The following MACROD1 variants were observed in gnomAD, a reference collection of about 807,000 sequenced individuals.
The protein encoded by MACROD1 is ADP-ribose glycohydrolase MACROD1.
A neutral mutation model predicts 41.4 loss-of-function variants in MACROD1; 31 were observed. The ratio of observed to expected loss-of-function variants is 0.75; its 90% CI spans 0.56 to 1.01. The LOEUF (loss-of-function observed/expected upper bound fraction) is 1.01. Ranked by LOEUF, MACROD1 falls within the 50% of genes least tolerant of loss-of-function variation. The pLI, the probability that MACROD1 is intolerant of heterozygous loss-of-function variation, is 0.00. For missense variants in MACROD1, 473 were observed against 460.0 expected, an observed-to-expected ratio of 1.03 and a Z score of -0.26; for synonymous variants, 252 against 203.4, an observed-to-expected ratio of 1.24 and a Z score of -2.03.
chr11:64,064,427 C>T lies in MACROD1; in HGVS notation c.518-49146G>A, dbSNP rs944793658. Among the ~76,000 whole-genome samples, 2 of 152,166 alleles carry T rather than the reference C, an allele frequency of 1.3e-5. No individual in the cohort carries two copies. Among genetic ancestry groups the T allele is most frequent in the African/African-American group, 4.8e-5 (2 of 41,436 alleles). On this transcript the variant is annotated intron_variant, in intron 3 of 10. Transcript: ENST00000255681. The surrounding 1 kb of genome is among the most constrained non-coding windows in gnomAD (Gnocchi z 4.5). ...GGCCAGTGCCGGGACTCCAGCTCCTCTGGGCACTGGGCAGGCAATCTCTGT... is the reference window on the plus strand; with the variant it reads ...GGCCAGTGCCGGGACTCCAGCTCCTTTGGGCACTGGGCAGGCAATCTCTGT...
chr11:64,108,143 G>A (rs1053026130), intron 3 of MACROD1, among the ~76,000 whole-genome samples: 29 of 151,962 alleles, frequency 1.9e-4, no homozygotes, highest in African/African-American at 6.5e-4. Flanking sequence ...GAGAAATCCC[G>A]TCTCTACTAA....
At chr11:64,003,769 C>T (rs577290606) in intron 4 of MACROD1, among the ~76,000 whole-genome samples, 1 of 152,242 alleles carries the variant, frequency 6.6e-6, no homozygotes, top group Non-Finnish European at 1.5e-5. Context: ...GGGCCTCGCC[C>T]TGAACCACTC....
intron 3 of MACROD1, among the ~76,000 whole-genome samples, chr11:64,081,170 C>T (rs1852258422): frequency 6.6e-6 from 1 of 152,140 alleles, no homozygotes; most frequent in South Asian, 2.1e-4. Context: ...TACAGGTGTC[C>T]ACCACCATGC....
At chr11:64,109,009 G>A (rs1006814202) in intron 3 of MACROD1, among the ~76,000 whole-genome samples, 2 of 152,158 alleles carry the variant, frequency 1.3e-5, no homozygotes, top group Admixed American at 6.5e-5. Flanking sequence ...ATCCATGCAC[G>A]TGAGCATGTA....
At chr11:64,013,229 A>AAGG (rs1253684939) in intron 4 of MACROD1, among the ~76,000 whole-genome samples, 10 of 152,360 alleles carry the variant, frequency 6.6e-5, no homozygotes, top group Non-Finnish European at 1.5e-4. Flanking sequence ...AGCACATTAG[A>AAGG]AGGAGACAGG....
intron 3 of MACROD1, among the ~76,000 whole-genome samples, chr11:64,050,327 G>C (rs477400): frequency 0.17 from 25,877 of 152,148 alleles, 2,389 homozygotes; most frequent in Non-Finnish European, 0.2. Flanking sequence ...ACTGAGTTTA[G>C]TGCTCTTCCC....
chr11:64,043,644 T>C (rs1307451520), intron 3 of MACROD1, among the ~76,000 whole-genome samples: 2 of 152,058 alleles, frequency 1.3e-5, no homozygotes, highest in Non-Finnish European at 2.9e-5. Flanking sequence ...AGAGAGGTCA[T>C]TATTGAGTGT....
At chr11:64,065,873 C>A (rs148615810) in intron 3 of MACROD1, among the ~76,000 whole-genome samples, 69 of 152,060 alleles carry the variant, frequency 4.5e-4, no homozygotes, top group Non-Finnish European at 8.5e-4. Context: ...TCGCAACAAC[C>A]ATTCACCCCA....
rs1340893107 is a variant in MACROD1 at position 64,090,997 on chromosome 11, C to T, written c.517+60242G>A. On this transcript the variant is annotated intron_variant, in intron 3 of 10. Coordinates refer to ENST00000255681, the MANE Select transcript of MACROD1 (RefSeq NM_014067.4). This position sits in a 1 kb window ranked among gnomAD's most constrained non-coding sequence, Gnocchi z 4.7. The stretch of plus-strand genomic sequence containing the variant: ...CTCTGGGTCAGTTGGTTACTGACTG[C>T]TGACTGTGCCTAGGAGAAGGGGGAG... Among the ~76,000 whole-genome samples the T allele has an allele frequency of 6.7e-6, 1 of 149,814 alleles. No individual in the cohort carries two copies. Among genetic ancestry groups the T allele is most frequent in the African/African-American group, 2.5e-5 (1 of 40,602 alleles).
At chr11:64,102,936 T>C (rs1944695498) in intron 3 of MACROD1, among the ~76,000 whole-genome samples, 5 of 151,950 alleles carry the variant, frequency 3.3e-5, no homozygotes, top group Admixed American at 3.3e-4. Flanking sequence ...CCGGGTGTGG[T>C]GGCTCACGCC....
intron 3 of MACROD1, among the ~76,000 whole-genome samples, chr11:64,076,895 G>A (rs952989439): frequency 1.3e-5 from 2 of 152,206 alleles, no homozygotes; most frequent in Non-Finnish European, 2.9e-5. Context: ...CTTACTCATC[G>A]GCTTGGGGCT....
rs537905459 is a variant in MACROD1, at chr11:64,096,225, C to T, written c.517+55014G>A. 2.3e-4 allele frequency among the ~76,000 whole-genome samples: 35 copies of T among 152,316 alleles called. 1 individual carries two copies. The South Asian group carries it at 7.3e-3, about 32-fold the overall frequency. On this transcript the variant is annotated intron_variant, in intron 3 of 10. Coordinates refer to ENST00000255681, the MANE Select transcript of MACROD1 (RefSeq NM_014067.4). This position sits in a 1 kb window ranked among gnomAD's most constrained non-coding sequence, Gnocchi z 4.6. ...GCACTGTGACGGGCAGGCAGGGGGT[C>T]GAACAGCCACTGTTCTGCCGACAAA...
intron 3 of MACROD1, among the ~76,000 whole-genome samples, chr11:64,059,594 T>C (rs2134433421): frequency 6.6e-6 from 1 of 152,218 alleles, no homozygotes; most frequent in East Asian, 1.9e-4. Context: ...AAGGTGTGTG[T>C]GCCTCCGCAG....
chr11:63,999,971 T>A, intron 5 of MACROD1: 1 of 671,146 alleles, frequency 1.5e-6, no homozygotes, highest in Non-Finnish European at 2.5e-6. Flanking sequence ...CACATCTGTA[T>A]GGGCCCGGCT....
intron 3 of MACROD1, among the ~76,000 whole-genome samples, chr11:64,059,674 TG>T (rs1237383988): frequency 6.6e-6 from 1 of 152,092 alleles, no homozygotes; most frequent in Non-Finnish European, 1.5e-5. Flanking sequence ...GTGGTGCAGA[TG>T]GGGAAACTGA....
chr11:64,069,759 T>C (rs1246673304), intron 3 of MACROD1, among the ~76,000 whole-genome samples: 5 of 152,186 alleles, frequency 3.3e-5, no homozygotes, highest in African/African-American at 9.6e-5. Context: ...CCTAAATGCT[T>C]CGCCAGGAAA....
At chr11:64,099,182 A>G (rs2134550752) in intron 3 of MACROD1, among the ~76,000 whole-genome samples, 1 of 152,334 alleles carries the variant, frequency 6.6e-6, no homozygotes, top group East Asian at 1.9e-4. Context: ...CCCCAGAACC[A>G]CAGCACAGCG....
chr11:64,114,791 A>G (rs1944945994), intron 3 of MACROD1, among the ~76,000 whole-genome samples: 1 of 152,108 alleles, frequency 6.6e-6, no homozygotes. Flanking sequence ...AGGTGGATGG[A>G]TGGTAGGTGG....
At chr11:64,041,242 G>A (rs77328674) in intron 3 of MACROD1, among the ~76,000 whole-genome samples, 1,416 of 137,122 alleles carry the variant, frequency 0.01, 30 homozygotes, top group African/African-American at 0.038. Context: ...ATGAGCGAGA[G>A]AGGAAGAGAG....
Sources: allele counts gnomAD v4.1 joint callset (sites outside exome capture counted in the v4.1 genomes callset), GRCh38; gene constraint gnomAD v4.1.1; non-coding constraint Gnocchi (gnomAD v3.1); transcripts MANE v1.5; gene names NCBI Gene and HGNC (gene_info 2026-07-23, HGNC 2026-07-21).